The following GNAQ variants were observed in gnomAD, a reference collection of about 807,000 sequenced individuals.
GNAQ encodes G protein subunit alpha q.
A neutral mutation model predicts 43.9 loss-of-function variants in GNAQ; 8 were observed. That is an observed-to-expected ratio of 0.18 (90% CI 0.11 to 0.33). The LOEUF (loss-of-function observed/expected upper bound fraction) is 0.33, where lower values mean the gene tolerates loss of function less well. Among genes scored for constraint, GNAQ ranks in the 10% least tolerant of loss-of-function variants. The probability of loss-of-function intolerance (pLI) is 1.00; values close to 1 mark genes in which losing one functional copy is unlikely to be tolerated. For missense variants in GNAQ, 158 were observed against 450.8 expected, an observed-to-expected ratio of 0.35 and a Z score of 5.88; for synonymous variants, 155 against 170.7, an observed-to-expected ratio of 0.91 and a Z score of 0.71.
At chr9:77,762,547 C>A (rs1476548944) in intron 5 of GNAQ, among the ~76,000 whole-genome samples, 1 of 149,888 alleles carries the variant, frequency 6.7e-6, no homozygotes, top group Non-Finnish European at 1.5e-5. Context: ...GCCGCCCCTA[C>A]TGGGAAGTGA....
At chr9:77,956,145 T>C (rs1422903016) in intron 1 of GNAQ, among the ~76,000 whole-genome samples, 1 of 152,202 alleles carries the variant, frequency 6.6e-6, no homozygotes, top group Admixed American at 6.5e-5. Context: ...TAAAGTGTTT[T>C]ATATATGTTC....
Position 77,996,250 on chromosome 9 carries a change from C to T in GNAQ, c.136+34850G>A, listed in dbSNP as rs564717475. Among the ~76,000 whole-genome samples, 4 of 152,276 alleles carry T rather than the reference C, an allele frequency of 2.6e-5. No individual in the cohort carries two copies. The South Asian group carries it at 8.3e-4, about 32-fold the overall frequency. ...AACTGAGGCTAGAGGTGGCTTAGAG[C>T]TTTATTTAATTTCATCTTTTGATAA... On this transcript the variant is annotated intron_variant, in intron 1 of 6. Coordinates refer to ENST00000286548, the MANE Select transcript of GNAQ (RefSeq NM_002072.5).
At chr9:77,832,096 T>TTG (rs1057373715) in intron 2 of GNAQ, among the ~76,000 whole-genome samples, 1 of 151,802 alleles carries the variant, frequency 6.6e-6, no homozygotes, top group Admixed American at 6.6e-5. Flanking sequence ...ACTTTTTTTT[T>TTG]TTTTGGCTTT....
intron 2 of GNAQ, among the ~76,000 whole-genome samples, chr9:77,827,417 T>A (rs1047334601): frequency 1.3e-5 from 2 of 151,770 alleles, no homozygotes; most frequent in Non-Finnish European, 2.9e-5. Flanking sequence ...CAACTTGCAT[T>A]GCTTTTTCAA....
chr9:77,976,891 G>A (rs558152549), intron 1 of GNAQ, among the ~76,000 whole-genome samples: 14 of 152,278 alleles, frequency 9.2e-5, no homozygotes, highest in African/African-American at 3.4e-4. Context: ...TAAGGTTTTA[G>A]TTGGCCAGAG....
Position 77,975,370 on chromosome 9 carries a change from C to A in GNAQ, c.137-53025G>T, listed in dbSNP as rs191353585. ...AATAAGTGCTTTATTCAAACTGTAC[C>A]AGCTAAGCCTCACAATGGTCCTTTG... On this transcript the variant is annotated intron_variant, in intron 1 of 6. Coordinates refer to ENST00000286548, the MANE Select transcript of GNAQ (RefSeq NM_002072.5). 2.2e-3 allele frequency among the ~76,000 whole-genome samples: 330 copies of A among 152,156 alleles called. 3 individuals are homozygous for A. The East Asian group carries it at 0.023, about 11-fold the overall frequency.
intron 5 of GNAQ, among the ~76,000 whole-genome samples, chr9:77,762,838 T>A (rs910425021): frequency 6.6e-6 from 1 of 152,118 alleles, no homozygotes; most frequent in Non-Finnish European, 1.5e-5. Flanking sequence ...CTGTGTCCAC[T>A]CAGGGTTAAA....
At chr9:77,725,579 TAAAA>T (rs55766160) in intron 6 of GNAQ, among the ~76,000 whole-genome samples, 48 of 57,142 alleles carry the variant, frequency 8.4e-4, no homozygotes, top group African/African-American at 3.0e-3. Context: ...AAGGTAACAG[TAAAA>T]AAAAAAAAAA....
intron 5 of GNAQ, among the ~76,000 whole-genome samples, chr9:77,760,418 G>C (rs1257691146): frequency 6.6e-6 from 1 of 152,108 alleles, no homozygotes; most frequent in Non-Finnish European, 1.5e-5. Flanking sequence ...TGTGTTGGCC[G>C]GGCTGGCCTC....
Position 77,969,252 on chromosome 9 carries a change from T to C in GNAQ, c.137-46907A>G, listed in dbSNP as rs915559624. 8.5e-5 allele frequency among the ~76,000 whole-genome samples: 13 copies of C among 152,176 alleles called. 1 individual carries two copies. The highest frequency in any genetic ancestry group is 1.5e-5 in the Non-Finnish European group (1 of 68,034). ...GTGGTAAATACAACTGTGGTTTTCT[T>C]AATGATTTCACACTCCTGTGATTCC... On this transcript the variant is annotated intron_variant, in intron 1 of 6. Transcript: ENST00000286548.
intron 1 of GNAQ, among the ~76,000 whole-genome samples, chr9:77,980,021 G>A (rs1336626530): frequency 6.6e-6 from 1 of 152,162 alleles, no homozygotes; most frequent in East Asian, 1.9e-4. Flanking sequence ...AATAGACAAA[G>A]TTACAAGAGA....
chr9:77,874,768 G>A (rs1266598529), intron 2 of GNAQ, among the ~76,000 whole-genome samples: 2 of 151,930 alleles, frequency 1.3e-5, no homozygotes, highest in African/African-American at 4.8e-5. Flanking sequence ...GGGAATACAG[G>A]TGTGTGCCAC....
At chr9:77,908,866 T>G (rs147088076) in intron 2 of GNAQ, among the ~76,000 whole-genome samples, 1 of 152,242 alleles carries the variant, frequency 6.6e-6, no homozygotes, top group African/African-American at 2.4e-5. Context: ...GAAATACAAA[T>G]ATGCATTTTA....
intron 2 of GNAQ, among the ~76,000 whole-genome samples, chr9:77,909,227 A>G (rs1413923147): frequency 6.6e-6 from 1 of 152,214 alleles, no homozygotes; most frequent in Non-Finnish European, 1.5e-5. Context: ...GGTGAATCTA[A>G]AAGTATTTTA....
intron 1 of GNAQ, among the ~76,000 whole-genome samples, chr9:77,987,748 C>T (rs1037668086): frequency 6.6e-6 from 1 of 152,064 alleles, no homozygotes; most frequent in Admixed American, 6.6e-5. Flanking sequence ...ATATGGAAAA[C>T]AGCTGGGCAC....
intron 2 of GNAQ, among the ~76,000 whole-genome samples, chr9:77,826,827 T>G (rs1827205515): frequency 6.6e-6 from 1 of 152,216 alleles, no homozygotes; most frequent in Non-Finnish European, 1.5e-5. Flanking sequence ...GAAACAATCC[T>G]TGGTTTGTAC....
intron 2 of GNAQ, among the ~76,000 whole-genome samples, chr9:77,913,585 C>T (rs899715011): frequency 6.6e-6 from 1 of 152,076 alleles, no homozygotes; most frequent in Non-Finnish European, 1.5e-5. Context: ...AAAGGAATTA[C>T]AAGTTAACAA....
At chr9:77,919,493 G>A (rs374259227) in intron 2 of GNAQ, among the ~76,000 whole-genome samples, 1 of 152,080 alleles carries the variant, frequency 6.6e-6, no homozygotes, top group Non-Finnish European at 1.5e-5. Context: ...GAGAACTCTC[G>A]GAAGAAGAGG....
intron 1 of GNAQ, among the ~76,000 whole-genome samples, chr9:77,994,934 A>G (rs1823550422): frequency 6.6e-6 from 1 of 152,210 alleles, no homozygotes; most frequent in Non-Finnish European, 1.5e-5. Context: ...AATAGTAAAA[A>G]GTGTCACTTG....
Sources: gnomAD v4.1 joint callset for allele counts (sites outside exome capture counted in the v4.1 genomes callset) on GRCh38, gnomAD v4.1.1 for gene constraint, MANE v1.5 for transcripts, NCBI Gene and HGNC (gene_info 2026-07-23, HGNC 2026-07-21) for gene names.